The following TRDN variants were observed in gnomAD, a reference collection of about 807,000 sequenced individuals.
TRDN encodes triadin, also known as triadin in skeletal muscle.
Under a neutral mutation model 149.7 loss-of-function variants are expected in TRDN, and 161 were observed. The ratio of observed to expected loss-of-function variants is 1.08; its 90% CI spans 0.95 to 1.23. TRDN has a LOEUF of 1.23. Ranked by LOEUF, TRDN falls within the 50% of genes most tolerant of loss-of-function variation. TRDN has a pLI of 0.00. For missense variants in TRDN, 896 were observed against 823.5 expected (o/e 1.09, Z -1.08); for synonymous variants, 294 against 250.5 (o/e 1.17, Z -1.64).
At position 123,483,403 on chromosome 6, in the gene TRDN, G is replaced by C. The variant is rs922974273; in HGVS notation, c.853+13790C>G. 1.4e-4 allele frequency among the ~76,000 whole-genome samples: 21 copies of C among 151,844 alleles called. 1 individual carries two copies. The highest frequency in any genetic ancestry group is 1.2e-3 in the Admixed American group (18 of 15,220). On this transcript the variant is annotated intron_variant, in intron 9 of 40. Coordinates refer to ENST00000334268, the MANE Select transcript of TRDN (RefSeq NM_006073.4). The stretch of plus-strand genomic sequence containing the variant: ...AGGCGTGAGCCACTGCGCCCGGCCA[G>C]TATTATTAATTTTTAAAAACTACAT...
At chr6:123,495,405 G>A (rs1778405466) in intron 9 of TRDN, among the ~76,000 whole-genome samples, 1 of 151,870 alleles carries the variant, frequency 6.6e-6, no homozygotes, top group Non-Finnish European at 1.5e-5. Context: ...TGTAATCCCA[G>A]CTACTCAGGA....
At chr6:123,589,969 T>C (rs1375126518) in intron 1 of TRDN, among the ~76,000 whole-genome samples, 1 of 152,162 alleles carries the variant, frequency 6.6e-6, no homozygotes, top group Non-Finnish European at 1.5e-5. Flanking sequence ...TAAATATAAA[T>C]GATAGTAGTC....
In TRDN at chr6:123,242,097, A is replaced by T. The variant is rs1226437335; in HGVS notation, c.1975+10315T>A. 5.9e-5 allele frequency among the ~76,000 whole-genome samples: 9 copies of T among 152,276 alleles called. No individual in the cohort carries two copies. In the South Asian group the frequency reaches 1.4e-3, roughly 25 times the overall value. Reference sequence around the variant, plus strand: ...TTGGGATAAATATCTTGCCAGGGCCATCCCCCTGTCTAGAGCCTTATGACT... The same window carrying T: ...TTGGGATAAATATCTTGCCAGGGCCTTCCCCCTGTCTAGAGCCTTATGACT... On this transcript the variant is annotated intron_variant, in intron 38 of 40. Transcript: ENST00000334268.
At chr6:123,256,987 CTTTT>C (rs34052517) in intron 35 of TRDN, among the ~76,000 whole-genome samples, 1 of 142,928 alleles carries the variant, frequency 7.0e-6, no homozygotes. Context: ...TCTTTTCTTT[CTTTT>C]TTTTTTTTTA....
intron 10 of TRDN, chr6:123,462,995 T>G (rs1447509434): frequency 1.3e-5 from 2 of 152,172 alleles, no homozygotes; most frequent in Non-Finnish European, 2.9e-5. Context: ...CCTTGTTATT[T>G]TATTCACCAC....
intron 9 of TRDN, among the ~76,000 whole-genome samples, chr6:123,494,172 G>C (rs1778335416): frequency 6.6e-6 from 1 of 152,080 alleles, no homozygotes. Flanking sequence ...TAATCCTATA[G>C]AACTAGGAAT....
intron 12 of TRDN, among the ~76,000 whole-genome samples, chr6:123,408,267 A>C (rs2114504919): frequency 6.6e-6 from 1 of 152,326 alleles, no homozygotes; most frequent in South Asian, 2.1e-4. Context: ...TCTGAATTTC[A>C]TTGAAGCATC....
chr6:123,326,100 T>A (rs1048593723), intron 23 of TRDN, among the ~76,000 whole-genome samples: 1 of 152,118 alleles, frequency 6.6e-6, no homozygotes, highest in African/African-American at 2.4e-5. Context: ...GGTTTAGGGT[T>A]CCTCAATTTT....
At chr6:123,390,766 T>G (rs975460271) in intron 13 of TRDN, among the ~76,000 whole-genome samples, 2 of 152,160 alleles carry the variant, frequency 1.3e-5, no homozygotes, top group African/African-American at 4.8e-5. Flanking sequence ...GGATGACTCC[T>G]GAATTTACTG....
At chr6:123,588,680 T>C (rs566605383) in intron 1 of TRDN, among the ~76,000 whole-genome samples, 101 of 152,294 alleles carry the variant, frequency 6.6e-4, no homozygotes, top group African/African-American at 2.3e-3. Context: ...CTGAAGGCTA[T>C]TCTAAACTAA....
chr6:123,364,479 A>T (rs542611270), intron 20 of TRDN, among the ~76,000 whole-genome samples: 1 of 152,154 alleles, frequency 6.6e-6, no homozygotes, highest in South Asian at 2.1e-4. Flanking sequence ...TGTACTAAAA[A>T]TACAAAAATT....
At chr6:123,603,159 C>CA (rs1208177731) in intron 1 of TRDN, among the ~76,000 whole-genome samples, 8 of 38,524 alleles carry the variant, frequency 2.1e-4, no homozygotes, top group African/African-American at 3.8e-4. Context: ...TTACTTTTTT[C>CA]TGTGTACACA....
intron 1 of TRDN, among the ~76,000 whole-genome samples, chr6:123,604,945 AATGGTC>A (rs1416484792): frequency 6.6e-6 from 1 of 152,104 alleles, no homozygotes; most frequent in Non-Finnish European, 1.5e-5. Flanking sequence ...TGGGAAAAAT[AATGGTC>A]ATTTCTTAGT....
intron 4 of TRDN, among the ~76,000 whole-genome samples, chr6:123,541,019 CA>C (rs1264447744): frequency 2.6e-5 from 4 of 152,204 alleles, no homozygotes; most frequent in Admixed American, 1.3e-4. Flanking sequence ...TCAACTAGCA[CA>C]TTAGTTTCTC....
intron 10 of TRDN, among the ~76,000 whole-genome samples, chr6:123,447,125 T>C (rs2114636318): frequency 6.6e-6 from 1 of 152,326 alleles, no homozygotes; most frequent in East Asian, 1.9e-4. Flanking sequence ...GCCTTGACTT[T>C]TCTTTAGTGA....
chr6:123,354,557 A>T lies in TRDN; in HGVS notation c.1322-1971T>A, dbSNP rs568454651. Among the ~76,000 whole-genome samples the T allele has an allele frequency of 1.8e-4, 27 of 152,018 alleles. No homozygotes were observed. In the South Asian group the frequency reaches 5.4e-3, roughly 30 times the overall value. On this transcript the variant is annotated intron_variant, in intron 20 of 40. Coordinates refer to ENST00000334268, the MANE Select transcript of TRDN (RefSeq NM_006073.4). ...GAAAATTTCTATAAAAATAACATTA[A>T]AATTGTTCATAGATTAGTTAGATGT...
chr6:123,628,040 A>T (rs1167227498), intron 1 of TRDN, among the ~76,000 whole-genome samples: 1 of 152,298 alleles, frequency 6.6e-6, no homozygotes, highest in South Asian at 2.1e-4. Flanking sequence ...CCACATCAGC[A>T]ATAAGTTTGT....
intron 21 of TRDN, among the ~76,000 whole-genome samples, chr6:123,346,772 G>T (rs1163876877): frequency 6.6e-6 from 1 of 151,952 alleles, no homozygotes; most frequent in Non-Finnish European, 1.5e-5. Context: ...GAAAAATAAG[G>T]AAGATTGTGT....
intron 24 of TRDN, among the ~76,000 whole-genome samples, chr6:123,295,134 C>T (rs1778148026): frequency 6.6e-6 from 1 of 152,106 alleles, no homozygotes; most frequent in South Asian, 2.1e-4. Flanking sequence ...TCAGACATGC[C>T]CACCAGTGTG....
Sources: allele counts gnomAD v4.1 joint callset (sites outside exome capture counted in the v4.1 genomes callset), GRCh38; gene constraint gnomAD v4.1.1; transcripts MANE v1.5; gene names NCBI Gene and HGNC (gene_info 2026-07-23, HGNC 2026-07-21).